The following CENPI variants were observed in gnomAD, a reference collection of about 807,000 sequenced individuals.
CENPI encodes centromere protein I.
CENPI carries 4 observed loss-of-function variants against 60.4 expected under a neutral mutation model. The observed-to-expected ratio is 0.07, with a 90% confidence interval of 0.03 to 0.15. The LOEUF is 0.15. Ranked by LOEUF, CENPI falls within the 10% of genes least tolerant of loss-of-function variation. The probability of loss-of-function intolerance (pLI) is 1.00; values close to 1 mark genes in which losing one functional copy is unlikely to be tolerated. For missense variants in CENPI, 444 were observed against 534.5 expected (o/e 0.83, Z 1.67); for synonymous variants, 157 against 189.4 (o/e 0.83, Z 1.40).
intron 15 of CENPI, among the ~76,000 whole-genome samples, chrX:101,133,397 C>T (rs1466202860): frequency 9.4e-6 from 1 of 106,339 alleles, no homozygotes; most frequent in Non-Finnish European, 1.9e-5. Context: ...TATTCTTCCA[C>T]GCTAAAGAGC....
the CENPI span, among the ~76,000 whole-genome samples, chrX:101,179,676 T>C: frequency 1.8e-5 from 2 of 111,316 alleles, no homozygotes; most frequent in Non-Finnish European, 3.8e-5. Context: ...GCCTGCCACA[T>C]GCCCAGATAA....
chrX:101,126,254 G>A (rs2089734310), intron 8 of CENPI, among the ~76,000 whole-genome samples: 1 of 111,860 alleles, frequency 8.9e-6, no homozygotes, highest in Non-Finnish European at 1.9e-5. Context: ...TATCAAAGCT[G>A]CTTGATTATG....
chrX:101,148,715 G>C (rs1222183761), intron 20 of CENPI, among the ~76,000 whole-genome samples: 2 of 111,818 alleles, frequency 1.8e-5, no homozygotes, highest in Non-Finnish European at 3.8e-5. Context: ...GTGTGACATG[G>C]AGAAGAACTC....
intron 21 of CENPI, among the ~76,000 whole-genome samples, chrX:101,162,491 T>TATATATAA (rs1159595271): frequency 1.0e-5 from 1 of 99,250 alleles, no homozygotes; most frequent in African/African-American, 3.8e-5. Flanking sequence ...TATATATATA[T>TATATATAA]AATTATCTCA....
At chrX:101,105,593 G>A (rs932904143) in intron 4 of CENPI, among the ~76,000 whole-genome samples, 11 of 110,368 alleles carry the variant, frequency 1.0e-4, no homozygotes, top group African/African-American at 2.6e-4. Context: ...TTTTTTTTTC[G>A]TGACAGAGTC....
chrX:101,104,881 A>G (rs2089465554), intron 4 of CENPI, among the ~76,000 whole-genome samples: 1 of 109,847 alleles, frequency 9.1e-6, no homozygotes, highest in Middle Eastern at 4.2e-3. Flanking sequence ...AAATTAAGAC[A>G]GCTCTCAAAA....
Position 101,146,185 on chromosome X carries a change from A to G in CENPI, c.1734A>G (p.Pro578=), listed in dbSNP as rs769464140. The change falls in exon 18 of 22, where the codon CCA becomes CCG. Residue 578 remains proline (P), a synonymous_variant. Coordinates refer to ENST00000682095, the MANE Select transcript of CENPI (RefSeq NM_001386188.2). The part of the protein sequence containing the change: ...VCDIYINYNL[P]LVVLFPPGIF... ...ACATATATATAAATTATAACCTTCC[A>G]TTAGTGGTATTGTTTCCTCCTGGGA... 5 of 1,196,507 alleles carry G rather than the reference A, an allele frequency of 4.2e-6. No homozygotes were observed. Among genetic ancestry groups the G allele is most frequent in the East Asian group, 3.0e-5 (1 of 33,754 alleles).
intron 6 of CENPI, among the ~76,000 whole-genome samples, chrX:101,110,720 A>G (rs764604449): frequency 2.4e-4 from 27 of 112,223 alleles, no homozygotes; most frequent in African/African-American, 4.8e-4. Context: ...TAGGGTTTCT[A>G]TATTCCACGA....
intron 6 of CENPI, among the ~76,000 whole-genome samples, chrX:101,115,856 C>A: frequency 8.9e-6 from 1 of 111,852 alleles, no homozygotes; most frequent in Non-Finnish European, 1.9e-5. Flanking sequence ...TACTATCTGT[C>A]TCTATGAATT....
chrX:101,120,969 A>G (rs1238225035), intron 8 of CENPI, among the ~76,000 whole-genome samples, 185 bp downstream of exon 8: 4 of 104,662 alleles, frequency 3.8e-5, no homozygotes, highest in Admixed American at 1.1e-4. Flanking sequence ...TCCGCCTCCC[A>G]GGTTCAAGCG....
intron 20 of CENPI, among the ~76,000 whole-genome samples, chrX:101,153,782 C>CT (rs1355112629): frequency 9.0e-6 from 1 of 111,651 alleles, no homozygotes; most frequent in South Asian, 3.7e-4. Context: ...TGAAATTTCA[C>CT]TTTTTTTTCC....
At chrX:101,146,375 AG>A (rs995011259) in intron 18 of CENPI, 98 bp downstream of exon 18, 5 of 849,844 alleles carry the variant, frequency 5.9e-6, no homozygotes, top group Non-Finnish European at 8.0e-6. Flanking sequence ...GTCTTCTGCC[AG>A]GGCCTCTGGA....
At chrX:101,171,305 T>TC in the CENPI span, among the ~76,000 whole-genome samples, 1 of 70,413 alleles carries the variant, frequency 1.4e-5, no homozygotes, top group South Asian at 6.6e-4. Flanking sequence ...TATAAAACAA[T>TC]TTTTTTTAAA....
At chrX:101,143,404 C>G (rs1258625100) in intron 16 of CENPI, among the ~76,000 whole-genome samples, 3 of 111,579 alleles carry the variant, frequency 2.7e-5, no homozygotes, top group African/African-American at 6.5e-5. Flanking sequence ...GTAAGAGACT[C>G]CATTCATTGA....
chrX:101,098,411 G>C (rs1385319012), intron 1 of CENPI, 33 bp from the exon 2 acceptor site: 1 of 111,190 alleles, frequency 9.0e-6, no homozygotes, highest in Non-Finnish European at 1.9e-5. Flanking sequence ...ACTGGGTGGG[G>C]TCAGAAGCTG....
downstream of CENPI, among the ~76,000 whole-genome samples, chrX:101,170,776 CAT>C (rs1233833129): frequency 1.1e-4 from 12 of 111,125 alleles, no homozygotes; most frequent in Non-Finnish European, 2.1e-4. Flanking sequence ...GGACTACAGA[CAT>C]GTGTCATCAT....
intron 3 of CENPI, among the ~76,000 whole-genome samples, chrX:101,101,562 C>T (rs181454247): frequency 9.2e-6 from 1 of 108,620 alleles, no homozygotes; most frequent in Admixed American, 9.9e-5. Context: ...CCTCTCTACC[C>T]CTTTGGCTCT....
rs1231216967 is a variant in CENPI, at chrX:101,142,364, C to T, written c.1565+1604C>T. 2.7e-5 allele frequency among the ~76,000 whole-genome samples: 3 copies of T among 111,791 alleles called. No homozygotes were observed. The Admixed American group carries it at 2.9e-4, about 11-fold the overall frequency. On this transcript the variant is annotated intron_variant, in intron 16 of 21. Coordinates refer to ENST00000682095, the MANE Select transcript of CENPI (RefSeq NM_001386188.2). ...GATACATGTGGATAATTTTGCTTGC[C>T]ATATCAATATTTGGCATTATATAGT...
At chrX:101,099,300 C>T (rs73551075) in intron 2 of CENPI, among the ~76,000 whole-genome samples, 5,893 of 109,473 alleles carry the variant, frequency 0.054, 436 homozygotes, top group African/African-American at 0.19. Flanking sequence ...TGGTGGTGTG[C>T]GCCTGTAATT....
Sources: allele counts gnomAD v4.1 joint callset (sites outside exome capture counted in the v4.1 genomes callset), GRCh38; gene constraint gnomAD v4.1.1; transcripts MANE v1.5; gene names NCBI Gene and HGNC (gene_info 2026-07-23, HGNC 2026-07-21).